The following GSE1 variants were observed in gnomAD, a reference collection of about 807,000 sequenced individuals.
GSE1 encodes the protein Gse1 coiled-coil protein.
A neutral mutation model predicts 112.6 loss-of-function variants in GSE1; 32 were observed. That is an observed-to-expected ratio of 0.28 (90% CI 0.21 to 0.38). GSE1 has a LOEUF of 0.38. Ranked by LOEUF, GSE1 falls within the 10% of genes least tolerant of loss-of-function variation. The pLI, the probability that GSE1 is intolerant of heterozygous loss-of-function variation, is 1.00. For missense variants in GSE1, 2,348 were observed against 1,699.2 expected, an observed-to-expected ratio of 1.38 and a Z score of -6.71; for synonymous variants, 1,115 against 735.6, an observed-to-expected ratio of 1.52 and a Z score of -8.35.
chr16:85,247,998 C>A (rs1215573763), intron 1 of GSE1, among the ~76,000 whole-genome samples: 1 of 152,254 alleles, frequency 6.6e-6, no homozygotes, highest in African/African-American at 2.4e-5. Flanking sequence ...GGGCTCAGGA[C>A]AGCTAGGGGT....
At chr16:85,671,308 C>A (rs535602776) in intron 15 of GSE1, among the ~76,000 whole-genome samples, 8 of 151,286 alleles carry the variant, frequency 5.3e-5, no homozygotes, top group Admixed American at 1.3e-4. Context: ...GGCGTAGTGG[C>A]GGGCGCCTGT....
At position 85,674,110 on chromosome 16, in the gene GSE1, C is replaced by G. The variant is rs947477290; in HGVS notation, c.*1571C>G. On this transcript the variant is annotated 3_prime_UTR_variant, in exon 16 of 16. Coordinates refer to ENST00000253458, the MANE Select transcript of GSE1 (RefSeq NM_014615.5). ...GCTCCCAAGGGCCCTCACCAGAGGC[C>G]AGGGCTGCCAGTCACTGGTCTGGGG... 1.3e-5 allele frequency: 2 copies of G among 152,246 alleles called. No homozygotes were observed. The highest frequency in any genetic ancestry group is 4.8e-5 in the African/African-American group (2 of 41,446). 9.4% of individuals were successfully genotyped at this position (152,246 alleles called of 1,614,324 possible). A position where few individuals can be genotyped will look rare whatever the true frequency, so the allele number is the denominator to read the frequency against.
rs771431123 is a variant in GSE1, at chr16:85,655,768, C to T, written c.840C>T (p.Phe280=). 1.2e-6 allele frequency: 2 copies of T among 1,610,190 alleles called. No homozygotes were observed. Among genetic ancestry groups the T allele is most frequent in the Admixed American group, 1.7e-5 (1 of 59,906 alleles). ...GCCTGTCTGCCCTGAGGTCCCCGTTCTACCCCATCCCCACCCCCGGCTCCC... is the reference window on the plus strand; with the variant it reads ...GCCTGTCTGCCCTGAGGTCCCCGTTTTACCCCATCCCCACCCCCGGCTCCC... ...SYCLSALRSP[F]YPIPTPGSLP... is the part of the protein sequence containing the mutation. Residue 280 remains phenylalanine (F), a synonymous_variant, in exon 6 of 16, where the codon TTC becomes TTT. Coordinates refer to ENST00000253458, the MANE Select transcript of GSE1 (RefSeq NM_014615.5).
At chr16:85,624,794 G>A (rs552861447) in intron 1 of GSE1, among the ~76,000 whole-genome samples, 1 of 152,314 alleles carries the variant, frequency 6.6e-6, no homozygotes, top group African/African-American at 2.4e-5. Flanking sequence ...AGCAGCCCAT[G>A]GGGAGAATGT....
intron 1 of GSE1, among the ~76,000 whole-genome samples, chr16:85,304,035 A>C (rs2045597550): frequency 6.6e-6 from 1 of 152,204 alleles, no homozygotes; most frequent in Non-Finnish European, 1.5e-5. Flanking sequence ...CCCAGATAAG[A>C]GGAGACAGCA....
At chr16:85,281,457 G>A (rs772233382) in intron 1 of GSE1, among the ~76,000 whole-genome samples, 2 of 152,114 alleles carry the variant, frequency 1.3e-5, no homozygotes, top group African/African-American at 4.8e-5. Context: ...TGGCTAAACC[G>A]AGGCCCACAG....
intron 2 of GSE1, among the ~76,000 whole-genome samples, chr16:85,420,435 TTC>T (rs1327577758): frequency 6.6e-6 from 1 of 152,128 alleles, no homozygotes; most frequent in Non-Finnish European, 1.5e-5. Flanking sequence ...CAGGATTTGC[TTC>T]TGTCTTGTCC....
At chr16:85,220,801 C>T (rs369122560) in intron 1 of GSE1, among the ~76,000 whole-genome samples, 1 of 152,178 alleles carries the variant, frequency 6.6e-6, no homozygotes, top group Non-Finnish European at 1.5e-5. Context: ...CTCCATCTCT[C>T]TCAGTATGTG....
chr16:85,393,039 G>A (rs2047880254), intron 2 of GSE1, among the ~76,000 whole-genome samples: 2 of 152,238 alleles, frequency 1.3e-5, no homozygotes, highest in Non-Finnish European at 2.9e-5. Context: ...ATCAGATAGA[G>A]GCCCTGTCAA....
intron 1 of GSE1, among the ~76,000 whole-genome samples, chr16:85,626,273 C>G (rs569184739): frequency 6.6e-6 from 1 of 152,176 alleles, no homozygotes; most frequent in South Asian, 2.1e-4. Flanking sequence ...GCTTGGAGCA[C>G]GTGGAGGGCA....
chr16:85,281,876 A>T (rs2044867693), intron 1 of GSE1, among the ~76,000 whole-genome samples: 1 of 152,086 alleles, frequency 6.6e-6, no homozygotes. Context: ...TGAGCAGGAC[A>T]CGCCCACCAC....
intron 1 of GSE1, among the ~76,000 whole-genome samples, chr16:85,626,581 C>A (rs2151679638): frequency 6.6e-6 from 1 of 152,316 alleles, no homozygotes; most frequent in South Asian, 2.1e-4. Flanking sequence ...GCCTGCTGGG[C>A]CCAGCCTCAC....
intron 2 of GSE1, among the ~76,000 whole-genome samples, chr16:85,363,922 G>A (rs1023258694): frequency 2.6e-5 from 4 of 152,172 alleles, no homozygotes; most frequent in East Asian, 1.9e-4. Flanking sequence ...CTGCCTTGCC[G>A]ATCACCATGG....
intron 2 of GSE1, among the ~76,000 whole-genome samples, chr16:85,367,465 G>C (rs2047208233): frequency 1.3e-5 from 2 of 152,362 alleles, no homozygotes; most frequent in South Asian, 4.1e-4. Context: ...GAGGAAGGCA[G>C]ATAACTCCCG....
intron 2 of GSE1, among the ~76,000 whole-genome samples, chr16:85,519,068 C>G (rs1598041127): frequency 2.0e-5 from 3 of 152,222 alleles, no homozygotes; most frequent in South Asian, 4.1e-4. Flanking sequence ...GCCTCAGTTT[C>G]TCCTCTGGAC....
At chr16:85,199,949 A>G (rs952959177) in intron 1 of GSE1, among the ~76,000 whole-genome samples, 2 of 152,116 alleles carry the variant, frequency 1.3e-5, no homozygotes, top group Non-Finnish European at 2.9e-5. Context: ...AGGGGGACAC[A>G]TGAAACTCCT....
At position 85,305,241 on chromosome 16, in the gene GSE1, G is replaced by A. The variant is rs534724275; in HGVS notation, c.2284-52222G>A. Among the ~76,000 whole-genome samples, 9 of 152,316 alleles carry A rather than the reference G, an allele frequency of 5.9e-5. No individual in the cohort carries two copies. The East Asian group carries it at 1.5e-3, about 26-fold the overall frequency. ...TGATGTCCTGGCCTCGTTCCAGTCC[G>A]CGAAGCTAGAATCTCTGACGATGGA... On this transcript the variant is annotated intron_variant, in intron 1 of 2. Coordinates refer to the GSE1 transcript ENST00000637419.
At chr16:85,515,340 C>T (rs370091751) in intron 2 of GSE1, among the ~76,000 whole-genome samples, 114 of 152,364 alleles carry the variant, frequency 7.5e-4, no homozygotes, top group African/African-American at 2.6e-3. Flanking sequence ...GAGGCTCCTC[C>T]TGCCAGCCTC....
At chr16:85,582,828 T>C (rs1598273590) in intron 1 of GSE1, among the ~76,000 whole-genome samples, 1 of 152,210 alleles carries the variant, frequency 6.6e-6, no homozygotes, top group Non-Finnish European at 1.5e-5. Context: ...ATTTAGCTGT[T>C]CCGAGCCAGT....
Sources: allele counts gnomAD v4.1 joint callset (sites outside exome capture counted in the v4.1 genomes callset), GRCh38; gene constraint gnomAD v4.1.1; transcripts MANE v1.5; gene names NCBI Gene and HGNC (gene_info 2026-07-23, HGNC 2026-07-21).